The following POU2F2 variants were observed in gnomAD, a reference collection of about 807,000 sequenced individuals.
POU2F2 encodes POU domain, class 2, transcription factor 2.
POU2F2 carries 14 observed loss-of-function variants against 63.5 expected under a neutral mutation model. The observed-to-expected ratio is 0.22, with a 90% CI of 0.15 to 0.34. The LOEUF is 0.34. POU2F2 is among the 10% of genes least tolerant of loss of function. The probability of loss-of-function intolerance (pLI) is 1.00; values close to 1 mark genes in which losing one functional copy is unlikely to be tolerated. For missense variants in POU2F2, 607 were observed against 815.2 expected, an observed-to-expected ratio of 0.74 and a Z score of 3.11; for synonymous variants, 306 against 348.6, an observed-to-expected ratio of 0.88 and a Z score of 1.36.
chr19:42,119,500 CCATCTCTACTAAAAATA>C (rs745423166), intron 4 of POU2F2, among the ~76,000 whole-genome samples: 1 of 152,134 alleles, frequency 6.6e-6, no homozygotes, highest in African/African-American at 2.4e-5. Context: ...TGGTGAAACC[CCATCTCTACTAAAAATA>C]CAAAAATTAG....
chr19:42,141,562 A>G (rs1455288850), intron 2 of POU2F2, among the ~76,000 whole-genome samples: 1 of 147,398 alleles, frequency 6.8e-6, no homozygotes, highest in African/African-American at 2.5e-5. Context: ...GCTCACTACA[A>G]CCTCTGCCTC....
chr19:42,095,995 G>C lies in POU2F2; in HGVS notation c.730-66C>G, dbSNP rs2076907583. On this transcript the variant is annotated intron_variant, in intron 8 of 14. Transcript: ENST00000692977. The surrounding 1 kb of genome is among the most constrained non-coding windows in gnomAD (Gnocchi z 7.1). ...GGCCTTCCGGCACTGGGCCCGCTCCGCCCGCCCACTGGCCACGCCCCTCGC... is the reference window on the plus strand; with the variant it reads ...GGCCTTCCGGCACTGGGCCCGCTCCCCCCGCCCACTGGCCACGCCCCTCGC... 1.9e-6 allele frequency: 3 copies of C among 1,596,084 alleles called. No homozygotes were observed. The highest frequency in any genetic ancestry group is 2.6e-6 in the Non-Finnish European group (3 of 1,172,778).
chr19:42,134,868 C>T (rs1220771151), upstream of POU2F2, among the ~76,000 whole-genome samples: 2 of 152,260 alleles, frequency 1.3e-5, no homozygotes, highest in Admixed American at 6.5e-5. Context: ...ACAATAATCG[C>T]TTGTACGCGG....
At chr19:42,170,815 C>T (rs976335904) in intron 1 of POU2F2, among the ~76,000 whole-genome samples, 3 of 152,286 alleles carry the variant, frequency 2.0e-5, no homozygotes, top group Non-Finnish European at 4.4e-5. Context: ...GGATCTGGCC[C>T]TTTCCCCGCT....
chr19:42,176,294 G>A (rs113969277), upstream of POU2F2, among the ~76,000 whole-genome samples: 372 of 152,262 alleles, frequency 2.4e-3, 5 homozygotes, highest in African/African-American at 8.4e-3. Context: ...CCCTGGTTGC[G>A]ATGTGTTTTA....
intron 5 of POU2F2, among the ~76,000 whole-genome samples, chr19:42,111,184 C>T (rs2031024062): frequency 6.6e-6 from 1 of 152,106 alleles, no homozygotes; most frequent in Admixed American, 6.6e-5. Flanking sequence ...ATGGTGCAAT[C>T]ATAGCTCACT....
intron 1 of POU2F2, among the ~76,000 whole-genome samples, chr19:42,170,395 G>C (rs1433495610): frequency 6.8e-6 from 1 of 147,314 alleles, no homozygotes; most frequent in Non-Finnish European, 1.5e-5. Flanking sequence ...CAGACCCATC[G>C]CTTCTTCCCC....
chr19:42,144,859 C>A (rs1249752145), intron 2 of POU2F2, among the ~76,000 whole-genome samples: 1 of 152,248 alleles, frequency 6.6e-6, no homozygotes, highest in Admixed American at 6.5e-5. Flanking sequence ...TGCCCCAGGC[C>A]TTGCTGTTAC....
chr19:42,140,625 G>A (rs1159405387), intron 2 of POU2F2, among the ~76,000 whole-genome samples: 1 of 152,122 alleles, frequency 6.6e-6, no homozygotes, highest in African/African-American at 2.4e-5. Context: ...ACCCTCCCTA[G>A]TCATGCTCCA....
chr19:42,096,089 A>G lies in POU2F2; in HGVS notation c.722T>C (p.Phe241Ser). ...TFKQRRIKLG[F>S]TQGDVGLAMG... ...TGCAAGGTGCCTCCAGACCTGCGTGAAGCCCAGCTTGATGCGGCGTTGCTT... is the reference window on the plus strand; with the variant it reads ...TGCAAGGTGCCTCCAGACCTGCGTGGAGCCCAGCTTGATGCGGCGTTGCTT... Residue 241 changes from phenylalanine to serine, a missense_variant, in exon 8 of 15, where the codon TTC becomes TCC. Phe to Ser is a radical substitution (Grantham distance 155, BLOSUM62 -2). This residue lies in a region of POU2F2 where 25 missense variants were observed against 92.3 expected (regional missense o/e 0.27). Transcript: ENST00000692977. The surrounding 1 kb of genome is among the most constrained non-coding windows in gnomAD (Gnocchi z 4.1). 6.2e-7 allele frequency: 1 copy of G among 1,613,646 alleles called. No homozygotes were observed. Among genetic ancestry groups the G allele is most frequent in the Non-Finnish European group, 8.5e-7 (1 of 1,179,766 alleles).
At chr19:42,146,698 G>T (rs1331281204) in intron 2 of POU2F2, among the ~76,000 whole-genome samples, 1 of 152,180 alleles carries the variant, frequency 6.6e-6, no homozygotes, top group Non-Finnish European at 1.5e-5. Context: ...GGTCTGGCAA[G>T]AAACTTCTCA....
chr19:42,180,239 C>T (rs1369563138), upstream of POU2F2, among the ~76,000 whole-genome samples: 6 of 152,318 alleles, frequency 3.9e-5, no homozygotes, highest in East Asian at 1.2e-3. Flanking sequence ...ACCTAATAGA[C>T]TTAGCTAGTG....
At position 42,117,248 on chromosome 19, in the gene POU2F2, AC is replaced by A. The variant is rs2032034268; in HGVS notation, c.369+1del. 6.8e-7 allele frequency: 1 copy of A among 1,472,846 alleles called. No individual in the cohort carries two copies. Among genetic ancestry groups the A allele is most frequent in the Non-Finnish European group, 8.9e-7 (1 of 1,117,710 alleles). 91.2% of individuals were successfully genotyped at this position (1,472,846 alleles called of 1,614,324 possible). A position where few individuals can be genotyped will look rare whatever the true frequency, so the allele number is the denominator to read the frequency against. ...CGTCCCCATCCTTCCCCAAGTACTTACCCCAGCTAGCTGGCTGCCCGTCAAC... is the reference window on the plus strand; with the variant it reads ...CGTCCCCATCCTTCCCCAAGTACTTACCCAGCTAGCTGGCTGCCCGTCAAC... On this transcript the variant is annotated splice_donor_variant, in intron 5 of 14. Transcript: ENST00000692977. LOFTEE classifies it high-confidence loss of function. This position sits in a 1 kb window ranked among gnomAD's most constrained non-coding sequence, Gnocchi z 4.4.
intron 1 of POU2F2, among the ~76,000 whole-genome samples, chr19:42,183,831 T>C (rs1024631534): frequency 3.9e-5 from 6 of 152,124 alleles, no homozygotes; most frequent in African/African-American, 1.4e-4. Context: ...AAAAGTTCAC[T>C]ATGTTTTGAA....
At chr19:42,100,085 C>CTTTTTTTTTTTT (rs948283094) in intron 5 of POU2F2, among the ~76,000 whole-genome samples, 1 of 77,068 alleles carries the variant, frequency 1.3e-5, no homozygotes, top group African/African-American at 4.9e-5. Flanking sequence ...CCCTTTCTTT[C>CTTTTTTTTTTTT]TTTTTTTTTT....
intron 2 of POU2F2, among the ~76,000 whole-genome samples, chr19:42,150,403 G>A (rs73932874): frequency 0.015 from 2,071 of 135,008 alleles, 46 homozygotes; most frequent in African/African-American, 0.05. Flanking sequence ...GCGGTGGGGG[G>A]AATGGCAGGG....
chr19:42,197,869 T>G (rs1052131141), upstream of POU2F2, among the ~76,000 whole-genome samples: 4 of 152,046 alleles, frequency 2.6e-5, no homozygotes, highest in African/African-American at 7.2e-5. Context: ...CCCACCTCAC[T>G]GAACAAATTA....
intron 1 of POU2F2, among the ~76,000 whole-genome samples, chr19:42,126,605 C>T (rs1198303851): frequency 1.3e-5 from 2 of 152,158 alleles, no homozygotes; most frequent in Non-Finnish European, 2.9e-5. Context: ...TTACAGCCTC[C>T]GTAATTGTGA....
At chr19:42,147,222 C>T (rs1043998492) in intron 2 of POU2F2, among the ~76,000 whole-genome samples, 1 of 152,164 alleles carries the variant, frequency 6.6e-6, no homozygotes, top group African/African-American at 2.4e-5. Flanking sequence ...CATCACTCAC[C>T]TCTTTGCCTA....
Sources: gnomAD v4.1 joint callset for allele counts (sites outside exome capture counted in the v4.1 genomes callset) on GRCh38, gnomAD v4.1.1 for gene constraint, gnomAD v4.1.1 regional missense constraint, Gnocchi (gnomAD v3.1) non-coding constraint, MANE v1.5 for transcripts, NCBI Gene and HGNC (gene_info 2026-07-23, HGNC 2026-07-21) for gene names.